Variants in RHCE observed in about 807,000 individuals in gnomAD.
The protein encoded by RHCE is blood group Rh(CE) polypeptide.
A neutral mutation model predicts 43.8 loss-of-function variants in RHCE; 22 were observed. The observed-to-expected ratio is 0.50, with a 90% confidence interval of 0.36 to 0.72. RHCE has a LOEUF of 0.72. Among genes scored for constraint, RHCE ranks in the 30% least tolerant of loss-of-function variants. RHCE has a pLI of 0.00. For missense variants in RHCE, 385 were observed against 525.4 expected (o/e 0.73, Z 2.61); for synonymous variants, 156 against 210.7 (o/e 0.74, Z 2.25).
intron 7 of RHCE, among the ~76,000 whole-genome samples, chr1:25,380,483 AG>A (rs1487484832): frequency 3.3e-5 from 5 of 151,764 alleles, no homozygotes; most frequent in Non-Finnish European, 7.4e-5. Flanking sequence ...CCACCCTTGT[AG>A]CTCCACTAGA....
intron 3 of RHCE, among the ~76,000 whole-genome samples, chr1:25,401,929 T>C (rs1359949247): frequency 6.6e-6 from 1 of 152,126 alleles, no homozygotes. Flanking sequence ...CAGGCTGCAG[T>C]GCAATGGCGC....
chr1:25,419,415 G>T (rs566991000), intron 1 of RHCE, among the ~76,000 whole-genome samples: 14 of 151,996 alleles, frequency 9.2e-5, no homozygotes, highest in African/African-American at 3.4e-4. Context: ...ATGGTATAAG[G>T]GCTTCCCTCC....
At chr1:25,371,514 G>A (rs1234899144) in intron 8 of RHCE, among the ~76,000 whole-genome samples, 1 of 151,464 alleles carries the variant, frequency 6.6e-6, no homozygotes, top group East Asian at 1.9e-4. Context: ...GGGACCACAA[G>A]TGTGTGCTAC....
chr1:25,417,134 T>G (rs1210982819), intron 1 of RHCE, among the ~76,000 whole-genome samples: 1 of 99,308 alleles, frequency 1.0e-5, no homozygotes, highest in Non-Finnish European at 1.9e-5. Context: ...AGATAGAGCC[T>G]TAAAAAACAA....
intron 6 of RHCE, 115 bp downstream of exon 6, chr1:25,388,861 G>A: frequency 6.4e-7 from 1 of 1,552,826 alleles, no homozygotes; most frequent in Non-Finnish European, 8.8e-7. Flanking sequence ...AAGCCAATAA[G>A]AGAATGCACC....
At chr1:25,402,883 C>T in intron 2 of RHCE, 137 bp from the exon 3 acceptor site, 1 of 1,276,020 alleles carries the variant, frequency 7.8e-7, no homozygotes, top group Admixed American at 2.0e-5. Flanking sequence ...TTTCTACCCA[C>T]CTGGGCGCTG....
At chr1:25,377,719 C>G (rs1645831548) in intron 7 of RHCE, among the ~76,000 whole-genome samples, 1 of 152,102 alleles carries the variant, frequency 6.6e-6, no homozygotes, top group African/African-American at 2.4e-5. Context: ...ATGGCAAAAC[C>G]CTGTCTCTAC....
rs1475923082 is a variant in RHCE, at chr1:25,406,287, G to A, written c.335+2396C>T. 3.3e-5 allele frequency among the ~76,000 whole-genome samples: 4 copies of A among 119,938 alleles called. 1 individual carries two copies. The highest frequency in any genetic ancestry group is 1.8e-4 in the Admixed American group (2 of 10,992). The allele number at this position is 119,938 out of a possible 152,430, so 78.7% of individuals were successfully genotyped here. On this transcript the variant is annotated intron_variant, in intron 2 of 9. Transcript: ENST00000294413. ...TGTGTGTGTGTGTGTATTGAATCCCGGTGGGAATTAACTCTAAGATGGTTT... is the reference window on the plus strand; with the variant it reads ...TGTGTGTGTGTGTGTATTGAATCCCAGTGGGAATTAACTCTAAGATGGTTT...
chr1:25,370,576 G>T (rs371793746), intron 8 of RHCE, 36 bp from the exon 9 acceptor site: 1 of 1,540,702 alleles, frequency 6.5e-7, no homozygotes, highest in Non-Finnish European at 9.0e-7. Flanking sequence ...AAAAGATTTG[G>T]AGCACAGGAT....
chr1:25,399,687 A>C (rs1437487640), intron 3 of RHCE, among the ~76,000 whole-genome samples: 2 of 152,214 alleles, frequency 1.3e-5, no homozygotes, highest in African/African-American at 4.8e-5. Flanking sequence ...CGATGGTTAC[A>C]TATACTAGGG....
At chr1:25,390,460 T>C (rs1447874934) in intron 5 of RHCE, among the ~76,000 whole-genome samples, 2 of 152,232 alleles carry the variant, frequency 1.3e-5, no homozygotes, top group Non-Finnish European at 2.9e-5. Flanking sequence ...GGTGACTGAC[T>C]TGAGCAACTA....
intron 7 of RHCE, among the ~76,000 whole-genome samples, chr1:25,376,758 C>G (rs961183629): frequency 1.3e-5 from 2 of 151,884 alleles, no homozygotes; most frequent in Non-Finnish European, 2.9e-5. Flanking sequence ...ACTAAAAATA[C>G]AAAACATTAG....
chr1:25,407,256 T>G lies in RHCE; in HGVS notation c.335+1427A>C, dbSNP rs1448118871. 1.6e-5 allele frequency among the ~76,000 whole-genome samples: 2 copies of G among 122,774 alleles called. 1 individual carries two copies. The highest frequency in any genetic ancestry group is 8.6e-3 in the Middle Eastern group (2 of 232). 80.5% of individuals were successfully genotyped at this position (122,774 alleles called of 152,430 possible). A position where few individuals can be genotyped will look rare whatever the true frequency, so the allele number is the denominator to read the frequency against. On this transcript the variant is annotated intron_variant, in intron 2 of 9. Coordinates refer to ENST00000294413, the MANE Select transcript of RHCE (RefSeq NM_020485.8). ...TTTTAAAAAAGAAAAATACATACAGTTTTTTTCCTCTAGGGCCAGTCAGGA... is the reference window on the plus strand; with the variant it reads ...TTTTAAAAAAGAAAAATACATACAGGTTTTTTCCTCTAGGGCCAGTCAGGA...
chr1:25,394,083 G>C (rs1035460239), intron 3 of RHCE, among the ~76,000 whole-genome samples: 13 of 152,090 alleles, frequency 8.5e-5, no homozygotes, highest in Admixed American at 8.5e-4. Context: ...TCACCCACTG[G>C]GTTCAAGCGA....
upstream of RHCE, among the ~76,000 whole-genome samples, chr1:25,423,427 G>C (rs1453776316): frequency 1.3e-5 from 2 of 152,210 alleles, no homozygotes; most frequent in Non-Finnish European, 2.9e-5. Context: ...ATGTTTACCA[G>C]CTGGCAAACA....
intron 3 of RHCE, among the ~76,000 whole-genome samples, chr1:25,392,385 C>T (rs1646401035): frequency 6.6e-6 from 1 of 152,102 alleles, no homozygotes; most frequent in African/African-American, 2.4e-5. Context: ...CCTCAGCTTC[C>T]CTAGTAGCTG....
chr1:25,392,898 A>C (rs1315220913), intron 3 of RHCE, among the ~76,000 whole-genome samples: 1 of 152,068 alleles, frequency 6.6e-6, no homozygotes, highest in African/African-American at 2.4e-5. Flanking sequence ...ACCAAGGTTC[A>C]CTTAGGTGTG....
At chr1:25,385,867 G>A (rs370949788) in intron 6 of RHCE, 23 bp from the exon 7 acceptor site, 1 of 1,613,916 alleles carries the variant, frequency 6.2e-7, no homozygotes, top group African/African-American at 1.3e-5. Context: ...GTTATTATAA[G>A]CAGATTGGCA....
rs773757668 is a variant in RHCE, at chr1:25,420,680, G to A, written c.107C>T (p.Ala36Val). Reference sequence around the variant, plus strand: ...GAGCCCCTTTTGATCCTCTAAGGAAGCGTCATAGTGGGTAAAAAAATAGAA... The same window carrying A: ...GAGCCCCTTTTGATCCTCTAAGGAAACGTCATAGTGGGTAAAAAAATAGAA... The part of the protein sequence containing the change: ...LLFYFFTHYD[A>V]SLEDQKGLVA... Residue 36 changes from alanine (A) to valine (V), a missense_variant, in exon 1 of 10, where the codon GCT becomes GTT. Transcript: ENST00000294413. 2 of 1,613,778 alleles carry A rather than the reference G, an allele frequency of 1.2e-6. No individual in the cohort carries two copies. Among genetic ancestry groups the A allele is most frequent in the East Asian group, 4.5e-5 (2 of 44,866 alleles).
Sources: gnomAD v4.1 joint callset for allele counts (sites outside exome capture counted in the v4.1 genomes callset) on GRCh38, gnomAD v4.1.1 for gene constraint, MANE v1.5 for transcripts, NCBI Gene and HGNC (gene_info 2026-07-23, HGNC 2026-07-21) for gene names.